HMMR: variants seen among roughly 807,000 people sequenced by gnomAD.
HMMR encodes the protein hyaluronan mediated motility receptor, also known as intracellular hyaluronic acid-binding protein.
HMMR carries 108 observed loss-of-function variants against 101.0 expected under a neutral mutation model. The observed-to-expected ratio is 1.07, with a 90% CI of 0.92 to 1.25. The LOEUF (loss-of-function observed/expected upper bound fraction) is 1.25, where lower values mean the gene tolerates loss of function less well. HMMR is among the 50% of genes most tolerant of loss of function. The probability of loss-of-function intolerance (pLI) is 0.00; values close to 1 mark genes in which losing one functional copy is unlikely to be tolerated. For synonymous variants in HMMR, 296 were observed against 276.4 expected (o/e 1.07, Z -0.70); for missense variants, 813 against 788.7 (o/e 1.03, Z -0.37).
intron 3 of HMMR, among the ~76,000 whole-genome samples, chr5:163,466,301 T>G (rs1211652693): frequency 1.3e-5 from 2 of 152,054 alleles, no homozygotes; most frequent in Non-Finnish European, 2.9e-5. Flanking sequence ...GTTGTACAAA[T>G]TAATAGGTTT....
At chr5:163,488,216 T>C (rs1484203474) in intron 16 of HMMR, among the ~76,000 whole-genome samples, 3 of 152,112 alleles carry the variant, frequency 2.0e-5, no homozygotes, top group East Asian at 1.9e-4. Context: ...TATGCAGATT[T>C]GTTACATGGG....
rs149019317 is a variant in HMMR at position 163,468,395 on chromosome 5, T to C, written c.273+647T>C. ...GACAGAAATTTCTATTGAACAGTAC[T>C]AACCTAAAGAACCCATTTACTTTCC... On this transcript the variant is annotated intron_variant, in intron 4 of 17. Coordinates refer to ENST00000393915, the MANE Select transcript of HMMR (RefSeq NM_001142556.2). Among the ~76,000 whole-genome samples, 41 of 152,352 alleles carry C rather than the reference T, an allele frequency of 2.7e-4. 1 individual carries two copies. In the East Asian group the frequency reaches 7.3e-3, roughly 27 times the overall value.
In HMMR at chr5:163,471,412, A is replaced by G; in HGVS notation, c.599A>G (p.Gln200Arg). The G allele has an allele frequency of 1.2e-6, 2 of 1,614,184 alleles. No individual in the cohort carries two copies. The highest frequency in any genetic ancestry group is 1.7e-6 in the Non-Finnish European group (2 of 1,180,014). ...ATGGAGATGAAGCTGCAGGTCACCC[A>G]AAGGAGTCTCGAAGAGTCTCAAGGG... Reference protein sequence around the residue: ...EGMEMKLQVTQRSLEESQGKI... With the variant: ...EGMEMKLQVTRRSLEESQGKI... Residue 200 changes from glutamine (Q) to arginine (R), a missense_variant, in exon 7 of 18, where the codon CAA becomes CGA. Gln to Arg is a conservative substitution (Grantham distance 43). Coordinates refer to ENST00000393915, the MANE Select transcript of HMMR (RefSeq NM_001142556.2).
chr5:163,476,506 A>G (rs560206881), intron 11 of HMMR, among the ~76,000 whole-genome samples: 4 of 152,302 alleles, frequency 2.6e-5, no homozygotes, highest in Non-Finnish European at 4.4e-5. Context: ...ACAATGGCAC[A>G]TGCCTAAAGT....
chr5:163,475,714 T>C (rs1759049367), intron 11 of HMMR, 42 bp downstream of exon 11: 1 of 1,001,470 alleles, frequency 1.0e-6, no homozygotes, highest in Non-Finnish European at 1.5e-6. Context: ...TGACTTCAGA[T>C]GTATTTATTT....
At chr5:163,483,945 A>T in intron 15 of HMMR, 124 bp from the exon 16 acceptor site, 1 of 565,550 alleles carries the variant, frequency 1.8e-6, no homozygotes, top group Non-Finnish European at 3.1e-6. Flanking sequence ...GAGAGCCCTG[A>T]GAATATGTGA....
intron 16 of HMMR, among the ~76,000 whole-genome samples, chr5:163,486,188 A>G (rs1266046159): frequency 6.6e-6 from 1 of 152,192 alleles, no homozygotes; most frequent in Non-Finnish European, 1.5e-5. Flanking sequence ...TGGGATTCTG[A>G]TGGGAATTGC....
chr5:163,473,200 G>T lies in HMMR; in HGVS notation c.672G>T (p.Lys224Asn), dbSNP rs906740454. The change falls in exon 8 of 18, where the codon AAG becomes AAT. Residue 224 changes from lysine (K) to asparagine (N), a missense_variant. Transcript: ENST00000393915. ...TTAGTGTTTCAATAGAGAAAGAAAAGATTGATGAAAAATCTGAAACAGAAA... is the reference window on the plus strand; with the variant it reads ...TTAGTGTTTCAATAGAGAAAGAAAATATTGATGAAAAATCTGAAACAGAAA... ...EGKLVSIEKE[K>N]IDEKSETEKL... The T allele has an allele frequency of 6.4e-7, 1 of 1,555,552 alleles. No homozygotes were observed.
intron 1 of HMMR, among the ~76,000 whole-genome samples, chr5:163,462,018 C>T (rs1260737699): frequency 2.6e-5 from 4 of 152,102 alleles, no homozygotes; most frequent in Non-Finnish European, 4.4e-5. Flanking sequence ...TGTCAGCCAA[C>T]GTGTGAATGA....
chr5:163,467,352 A>G (rs1372295066), intron 3 of HMMR, among the ~76,000 whole-genome samples: 2 of 152,132 alleles, frequency 1.3e-5, no homozygotes, highest in African/African-American at 4.8e-5. Context: ...TCTCTTTGTA[A>G]GATTCTTTCT....
intron 11 of HMMR, among the ~76,000 whole-genome samples, chr5:163,477,319 A>G (rs1226322555): frequency 6.6e-6 from 1 of 152,192 alleles, no homozygotes; most frequent in Non-Finnish European, 1.5e-5. Context: ...AATCCTTGGG[A>G]TCTGATCATT....
At chr5:163,465,526 G>A (rs927867132) in intron 3 of HMMR, among the ~76,000 whole-genome samples, 2 of 132,452 alleles carry the variant, frequency 1.5e-5, no homozygotes, top group Non-Finnish European at 3.2e-5. Context: ...CTAAAGACGA[G>A]GTTTAAACAT....
Position 163,460,656 on chromosome 5 carries a change from T to C in HMMR, c.-37T>C. 6.3e-7 allele frequency: 1 copy of C among 1,582,136 alleles called. No homozygotes were observed. The highest frequency in any genetic ancestry group is 8.6e-7 in the Non-Finnish European group (1 of 1,160,382). On this transcript the variant is annotated 5_prime_UTR_variant, in exon 1 of 18. Coordinates refer to ENST00000393915, the MANE Select transcript of HMMR (RefSeq NM_001142556.2). The stretch of plus-strand genomic sequence containing the variant: ...TAATCCGCATTCAGTTGTCGAGGAG[T>C]GCCAGTCACCTTCAGTTTCTGGAGC...
chr5:163,473,699 A>G (rs1047044462), intron 9 of HMMR, 142 bp downstream of exon 9: 34 of 560,664 alleles, frequency 6.1e-5, no homozygotes, highest in Non-Finnish European at 1.0e-4. Context: ...TAGCTATACA[A>G]CAGCAAAAAC....
intron 5 of HMMR, chr5:163,470,042 C>T: frequency 5.6e-6 from 2 of 358,030 alleles, no homozygotes; most frequent in Non-Finnish European, 1.0e-5. Flanking sequence ...TTGGCGGGCG[C>T]CTGTAATCTC....
At chr5:163,461,540 A>G (rs755154953) in intron 1 of HMMR, among the ~76,000 whole-genome samples, 1 of 152,138 alleles carries the variant, frequency 6.6e-6, no homozygotes, top group Non-Finnish European at 1.5e-5. Flanking sequence ...CACGCCTGTA[A>G]TCCCAGCACT....
At chr5:163,470,499 C>T (rs181933423) in intron 5 of HMMR, among the ~76,000 whole-genome samples, 164 of 151,702 alleles carry the variant, frequency 1.1e-3, no homozygotes, top group African/African-American at 3.8e-3. Context: ...GGCGTACACC[C>T]GTAATTCCAG....
chr5:163,468,490 C>T (rs955447906), intron 4 of HMMR, among the ~76,000 whole-genome samples: 5 of 152,152 alleles, frequency 3.3e-5, no homozygotes, highest in African/African-American at 9.7e-5. Context: ...CCATTGCTGA[C>T]CAACTCTTTT....
intron 1 of HMMR, among the ~76,000 whole-genome samples, chr5:163,461,048 C>T (rs1230552418): frequency 1.3e-5 from 2 of 152,106 alleles, no homozygotes; most frequent in Non-Finnish European, 1.5e-5. Context: ...ACGTTGGTAG[C>T]TACTTGATTT....
Sources: gnomAD v4.1 joint callset for allele counts (sites outside exome capture counted in the v4.1 genomes callset) on GRCh38, gnomAD v4.1.1 for gene constraint, MANE v1.5 for transcripts, NCBI Gene and HGNC (gene_info 2026-07-23, HGNC 2026-07-21) for gene names.